The following ESR1 variants were observed in gnomAD, a reference collection of about 807,000 sequenced individuals.
ESR1 encodes estrogen receptor.
In ESR1, 12 loss-of-function variants were observed where a neutral mutation model predicts 52.7. That is an observed-to-expected ratio of 0.23 (90% CI 0.15 to 0.37). The LOEUF is 0.37. Among genes scored for constraint, ESR1 ranks in the 10% least tolerant of loss-of-function variants. The pLI, the probability that ESR1 is intolerant of heterozygous loss-of-function variation, is 1.00. For missense variants in ESR1, 584 were observed against 779.7 expected (o/e 0.75, Z 2.99); for synonymous variants, 305 against 316.8 (o/e 0.96, Z 0.39).
intron 2 of ESR1, among the ~76,000 whole-genome samples, chr6:151,749,358 T>G (rs1487052350): frequency 1.3e-5 from 2 of 152,200 alleles, no homozygotes; most frequent in African/African-American, 4.8e-5. Flanking sequence ...GTGCATTGTG[T>G]AATGATGAAA....
In ESR1 at chr6:152,083,304, G is replaced by A. The variant is rs918115388; in HGVS notation, c.1370-11081G>A. Among the ~76,000 whole-genome samples the A allele has an allele frequency of 3.3e-5, 5 of 152,070 alleles. 1 individual carries two copies. The South Asian group carries it at 1.0e-3, about 32-fold the overall frequency. ...GGAACAGAACAGAGGCCTCAGAAAT[G>A]ACACCACACATCTGCAACCATCTGA... On this transcript the variant is annotated intron_variant, in intron 6 of 7. Transcript: ENST00000206249.
chr6:151,870,858 C>CTTCT (rs532521297), intron 2 of ESR1, among the ~76,000 whole-genome samples: 2,206 of 146,142 alleles, frequency 0.015, 52 homozygotes, highest in African/African-American at 0.053. Context: ...TCTTCTTCTT[C>CTTCT]TTTTTTTTTT....
At chr6:151,869,364 G>C (rs1214209009) in intron 2 of ESR1, among the ~76,000 whole-genome samples, 1 of 152,112 alleles carries the variant, frequency 6.6e-6, no homozygotes, top group African/African-American at 2.4e-5. Context: ...CCTCTTTGAT[G>C]GTTATCTGTT....
intron 4 of ESR1, among the ~76,000 whole-genome samples, chr6:151,950,984 T>C (rs2036261652): frequency 6.6e-6 from 1 of 152,002 alleles, no homozygotes. Flanking sequence ...GCTAATCATT[T>C]ACTCTTGTAT....
chr6:151,936,054 T>TA (rs1426656372), intron 3 of ESR1: 1 of 151,888 alleles, frequency 6.6e-6, no homozygotes, highest in Admixed American at 6.6e-5. Flanking sequence ...AAAGAAAGAG[T>TA]AATATTTGCA....
intron 2 of ESR1, among the ~76,000 whole-genome samples, chr6:151,871,159 A>T (rs989869712): frequency 6.6e-6 from 1 of 151,822 alleles, no homozygotes; most frequent in African/African-American, 2.4e-5. Context: ...ACTTCATTTT[A>T]AAAAATTGTG....
Position 151,775,277 on chromosome 6 carries a change from C to A in ESR1, c.-70-32566C>A, listed in dbSNP as rs562093165. Among the ~76,000 whole-genome samples the A allele has an allele frequency of 2.6e-5, 4 of 152,262 alleles. No individual in the cohort carries two copies. In the South Asian group the frequency reaches 8.3e-4, roughly 32 times the overall value. On this transcript the variant is annotated intron_variant, in intron 2 of 2. Transcript: ENST00000404742. ...GATTGTTTTGGCTTTGGGATTATTTCAGATTTTGGAATATTTTCATACCCG... is the reference window on the plus strand; with the variant it reads ...GATTGTTTTGGCTTTGGGATTATTTAAGATTTTGGAATATTTTCATACCCG...
At chr6:151,721,640 A>G (rs1458284269) in intron 2 of ESR1, among the ~76,000 whole-genome samples, 1 of 152,244 alleles carries the variant, frequency 6.6e-6, no homozygotes, top group East Asian at 1.9e-4. Flanking sequence ...TCATTTGTTT[A>G]TCATCTATGT....
intron 2 of ESR1, among the ~76,000 whole-genome samples, chr6:151,759,171 A>G (rs1468280939): frequency 6.8e-6 from 1 of 147,742 alleles, no homozygotes; most frequent in Non-Finnish European, 1.5e-5. Context: ...GCTACTCAAG[A>G]GGCTGAGGCA....
intron 2 of ESR1, among the ~76,000 whole-genome samples, chr6:151,733,184 G>A (rs1782386550): frequency 6.6e-6 from 1 of 152,174 alleles, no homozygotes; most frequent in South Asian, 2.1e-4. Context: ...TACAGTTGAG[G>A]AAACTGAGGC....
At chr6:152,027,284 CTTATAT>C (rs2044234730) in intron 5 of ESR1, among the ~76,000 whole-genome samples, 1 of 152,072 alleles carries the variant, frequency 6.6e-6, no homozygotes, top group African/African-American at 2.4e-5. Flanking sequence ...ATTTTTATTA[CTTATAT>C]TTTTCTACAT....
At chr6:151,843,105 T>A (rs1784551557) in intron 2 of ESR1, among the ~76,000 whole-genome samples, 1 of 152,228 alleles carries the variant, frequency 6.6e-6, no homozygotes, top group Non-Finnish European at 1.5e-5. Context: ...GTGCCCTGAC[T>A]GGGGAATGCC....
chr6:151,726,251 T>C (rs997652172), intron 2 of ESR1, among the ~76,000 whole-genome samples: 33 of 152,238 alleles, frequency 2.2e-4, no homozygotes, highest in Non-Finnish European at 8.8e-5. Flanking sequence ...ATAGTTTGTA[T>C]AGTTTTCTAT....
At chr6:151,670,762 GTTTTTT>G (rs35606990) in intron 1 of ESR1, among the ~76,000 whole-genome samples, 43 of 85,768 alleles carry the variant, frequency 5.0e-4, no homozygotes, top group African/African-American at 1.9e-3. Context: ...TTTTGTTTTC[GTTTTTT>G]TTTTTTTTTT....
At chr6:152,082,226 A>G (rs2049286680) in intron 6 of ESR1, among the ~76,000 whole-genome samples, 1 of 152,208 alleles carries the variant, frequency 6.6e-6, no homozygotes. Flanking sequence ...AAATACTGGC[A>G]AACCAAATCC....
intron 2 of ESR1, among the ~76,000 whole-genome samples, chr6:151,864,781 C>A (rs1470419153): frequency 6.6e-6 from 1 of 152,106 alleles, no homozygotes; most frequent in Non-Finnish European, 1.5e-5. Flanking sequence ...AGTTCATATA[C>A]TTTGTAGGGA....
intron 1 of ESR1, among the ~76,000 whole-genome samples, chr6:151,698,190 AC>A (rs1779507847): frequency 6.6e-6 from 1 of 151,480 alleles, no homozygotes; most frequent in Admixed American, 6.6e-5. Flanking sequence ...ACATGGCGAA[AC>A]CCCATCTCTA....
chr6:151,793,170 CAA>C (rs374347435), intron 2 of ESR1, among the ~76,000 whole-genome samples: 24 of 109,254 alleles, frequency 2.2e-4, no homozygotes, highest in East Asian at 2.7e-4. Flanking sequence ...GACTCTATCT[CAA>C]AAAAAAAAAA....
chr6:151,800,429 C>T (rs968538348), upstream of ESR1, among the ~76,000 whole-genome samples: 10 of 152,172 alleles, frequency 6.6e-5, no homozygotes, highest in Non-Finnish European at 1.5e-4. Context: ...TTATGCTCCC[C>T]TACCCACCCA....
Sources: allele counts gnomAD v4.1 joint callset (sites outside exome capture counted in the v4.1 genomes callset), GRCh38; gene constraint gnomAD v4.1.1; transcripts MANE v1.5; gene names NCBI Gene and HGNC (gene_info 2026-07-23, HGNC 2026-07-21).